The following SH3TC1 variants were observed in gnomAD, a reference collection of about 807,000 sequenced individuals.
SH3TC1 encodes the protein SH3 domain and tetratricopeptide repeat-containing protein 1.
A neutral mutation model predicts 117.3 loss-of-function variants in SH3TC1; 135 were observed. That is an observed-to-expected ratio of 1.15 (90% CI 1.00 to 1.33). The LOEUF (loss-of-function observed/expected upper bound fraction) is 1.33, where lower values mean the gene tolerates loss of function less well. Among genes scored for constraint, SH3TC1 ranks in the 40% most tolerant of loss-of-function variants. SH3TC1 has a pLI of 0.00. For synonymous variants in SH3TC1, 898 were observed against 816.9 expected, an observed-to-expected ratio of 1.10 and a Z score of -1.69; for missense variants, 2,092 against 1,794.3, an observed-to-expected ratio of 1.17 and a Z score of -3.00.
At position 8,227,306 on chromosome 4, in the gene SH3TC1, G is replaced by C; in HGVS notation, c.1612G>C (p.Glu538Gln). The change falls in exon 12 of 18, where the codon GAG becomes CAG. Residue 538 changes from glutamate (E) to glutamine (Q), a missense_variant. By Grantham distance (29) the Glu-to-Gln change is conservative (BLOSUM62 2). Transcript: ENST00000245105. Reference sequence around the variant, plus strand: ...GTTCCGCAGCTTCAGCGACGAGGAGGAGCTGACTGGGCGCCTGGCACAGGC... The same window carrying C: ...GTTCCGCAGCTTCAGCGACGAGGAGCAGCTGACTGGGCGCCTGGCACAGGC... Reference protein sequence around the residue: ...SVFRSFSDEEELTGRLAQARG... With the variant: ...SVFRSFSDEEQLTGRLAQARG... The C allele has an allele frequency of 1.2e-6, 2 of 1,610,394 alleles. No homozygotes were observed.
intron 13 of SH3TC1, chr4:8,233,132 C>T: frequency 1.5e-6 from 2 of 1,363,574 alleles, no homozygotes; most frequent in South Asian, 3.4e-5. Context: ...GCTCCCCCAG[C>T]CACAGGGCAG....
At chr4:8,219,215 A>T in intron 8 of SH3TC1, 120 bp from the exon 9 acceptor site, 1 of 1,000,400 alleles carries the variant, frequency 1.0e-6, no homozygotes, top group Middle Eastern at 2.4e-4. Context: ...TTTACTACGA[A>T]CCTCCTAGTA....
In SH3TC1 at chr4:8,190,596, A is replaced by G. The variant is rs1717386959; in HGVS notation, c.-57+8386A>G. On this transcript the variant is annotated intron_variant, in intron 1 of 16. Transcript: ENST00000508641. The surrounding 1 kb of genome is among the most constrained non-coding windows in gnomAD (Gnocchi z 4.7). Reference sequence around the variant, plus strand: ...CTCTCTCGGTCACCCACACCCCACCAGCCGGCTGGTCCACAGGGTGTTTCT... The same window carrying G: ...CTCTCTCGGTCACCCACACCCCACCGGCCGGCTGGTCCACAGGGTGTTTCT... Among the ~76,000 whole-genome samples the G allele has an allele frequency of 6.6e-6, 1 of 151,968 alleles. No individual in the cohort carries two copies. The highest frequency in any genetic ancestry group is 2.4e-5 in the African/African-American group (1 of 41,372).
chr4:8,220,726 G>C (rs1008331221), intron 9 of SH3TC1, among the ~76,000 whole-genome samples: 3 of 152,160 alleles, frequency 2.0e-5, no homozygotes, highest in South Asian at 2.1e-4. Flanking sequence ...TCAATGTTTA[G>C]GGCTGCGACA....
chr4:8,227,342 GC>G lies in SH3TC1; in HGVS notation c.1650del (p.Lys551ArgfsTer49). 6.2e-7 allele frequency: 1 copy of G among 1,602,226 alleles called. No individual in the cohort carries two copies. Among genetic ancestry groups the G allele is most frequent in the South Asian group, 1.1e-5 (1 of 89,610 alleles). On this transcript the variant is annotated frameshift_variant, in exon 12 of 18. Transcript: ENST00000245105. LOFTEE classifies it high-confidence loss of function. ...TGRLAQARGA[A>X]KKAGLLMALA... is the part of the protein sequence containing the mutation. ...GCGCCTGGCACAGGCCCGGGGGGCG[GC>G]CAAGAAAGCTGGCCTCCTCATGGCC... is the stretch of plus-strand genomic sequence containing the variant.
intron 7 of SH3TC1, 53 bp from the exon 8 acceptor site, chr4:8,218,218 A>G (rs1485244027): frequency 6.8e-7 from 1 of 1,461,030 alleles, no homozygotes. Context: ...CACAGGATGT[A>G]TCTGCCCCAA....
At chr4:8,231,551 A>G in intron 12 of SH3TC1, 1 of 172,352 alleles carries the variant, frequency 5.8e-6, no homozygotes, top group Non-Finnish European at 1.3e-5. Context: ...TGGGAATGCC[A>G]GGGGCCGGCT....
At position 8,240,933 on chromosome 4, in the gene SH3TC1, TG is replaced by T; in HGVS notation, c.3991del (p.Ala1331ProfsTer45). 1 of 1,611,490 alleles carries T rather than the reference TG, an allele frequency of 6.2e-7. No individual in the cohort carries two copies. Among genetic ancestry groups the T allele is most frequent in the East Asian group, 2.2e-5 (1 of 44,870 alleles). On this transcript the variant is annotated frameshift_variant, in exon 18 of 18. Transcript: ENST00000245105. LOFTEE classifies it high-confidence loss of function. The stretch of plus-strand genomic sequence containing the variant: ...CCACTCTGCGGGTGGGCCCCCTGGT[TG>T]GCCCCCAGCCACCCTCGCTGAGGAC... ...PLPLCGWAPW[L>X]APSHPR
At chr4:8,197,809 G>T, upstream of SH3TC1, among the ~76,000 whole-genome samples, 1 of 152,234 alleles carries the variant, frequency 6.6e-6, no homozygotes, top group Non-Finnish European at 1.5e-5. Flanking sequence ...GTGACTTGAG[G>T]GCTCACCGTG....
Position 8,183,536 on chromosome 4 carries a change from G to A in SH3TC1, c.-57+1326G>A, listed in dbSNP as rs1578629142. On this transcript the variant is annotated intron_variant, in intron 1 of 16. Transcript: ENST00000508641. The surrounding 1 kb of genome is among the most constrained non-coding windows in gnomAD (Gnocchi z 5.4). ...TGGCTGGGATCCCGCAGTGACGCTTGGGTGTCTTTGGGCCTTAAAAGTTCA... is the reference window on the plus strand; with the variant it reads ...TGGCTGGGATCCCGCAGTGACGCTTAGGTGTCTTTGGGCCTTAAAAGTTCA... Among the ~76,000 whole-genome samples the A allele has an allele frequency of 6.6e-6, 1 of 152,238 alleles. No homozygotes were observed. The highest frequency in any genetic ancestry group is 2.4e-5 in the African/African-American group (1 of 41,456).
chr4:8,227,002 C>T lies in SH3TC1; in HGVS notation c.1308C>T (p.Ser436=), dbSNP rs761537777. 2 of 1,554,584 alleles carry T rather than the reference C, an allele frequency of 1.3e-6. No individual in the cohort carries two copies. Among genetic ancestry groups the T allele is most frequent in the South Asian group, 1.2e-5 (1 of 83,380 alleles). Residue 436 remains serine, a synonymous_variant, in exon 12 of 18, where the codon AGC becomes AGT. Transcript: ENST00000245105. ...CAGAAATACCTCCACCTTGCCTGAG[C>T]CTGGAGCCACAGGAGACCTTGCAGA... ...QEKEIPPPCL[S]LEPQETLQKV...
intron 13 of SH3TC1, 33 bp downstream of exon 13, chr4:8,232,189 G>C: frequency 2.7e-6 from 1 of 374,376 alleles, no homozygotes; most frequent in Non-Finnish European, 5.1e-6. Flanking sequence ...TGGGGGCGGG[G>C]GGAGGGGGCA....
chr4:8,233,783 A>G (rs569345522), intron 14 of SH3TC1, among the ~76,000 whole-genome samples: 6 of 146,508 alleles, frequency 4.1e-5, no homozygotes, highest in Non-Finnish European at 5.9e-5. Flanking sequence ...TCCATTATCC[A>G]TCCATTCACC....
Position 8,216,226 on chromosome 4 carries a change from G to T in SH3TC1, c.597G>T (p.Arg199Ser), listed in dbSNP as rs749792356. 6.2e-7 allele frequency: 1 copy of T among 1,613,754 alleles called. No homozygotes were observed. The highest frequency in any genetic ancestry group is 1.1e-5 in the South Asian group (1 of 91,052). ...IQVHVDENAL[R>S]LTHESLLIQE... ...TCCATGTGGATGAGAACGCCTTAAG[G>T]CTGACCCACGAGAGCCTCCTCATCC... The change falls in exon 6 of 18, where the codon AGG becomes AGT. Residue 199 changes from arginine to serine, a missense_variant. Arg to Ser is a moderately radical substitution (Grantham distance 110). Transcript: ENST00000245105.
At position 8,205,366 on chromosome 4, in the gene SH3TC1, G is replaced by C. The variant is rs371596254; in HGVS notation, c.172G>C (p.Asp58His). The C allele has an allele frequency of 5.8e-6, 9 of 1,545,442 alleles. No individual in the cohort carries two copies. The highest frequency in any genetic ancestry group is 7.0e-6 in the Non-Finnish European group (8 of 1,145,282). ...GGAGGCCAAGGCGCCAGTGAGAGGCGGTGAGTTCATTCCACCCTCACCACC... is the reference window on the plus strand; with the variant it reads ...GGAGGCCAAGGCGCCAGTGAGAGGCCGTGAGTTCATTCCACCCTCACCACC... ...PEEAKAPVRGDEAPPARVAGP... is the reference protein window; with the variant it reads ...PEEAKAPVRGHEAPPARVAGP... Residue 58 changes from aspartate to histidine, a missense_variant and splice_region_variant, in exon 2 of 18, where the codon GAC becomes CAC. Asp to His is a moderately conservative substitution (Grantham distance 81, BLOSUM62 -1). Coordinates refer to ENST00000245105, the MANE Select transcript of SH3TC1 (RefSeq NM_018986.5). This position sits in a 1 kb window ranked among gnomAD's most constrained non-coding sequence, Gnocchi z 5.4.
intron 16 of SH3TC1, chr4:8,236,944 G>C: frequency 6.2e-6 from 1 of 162,344 alleles, no homozygotes; most frequent in Non-Finnish European, 1.3e-5. Context: ...CCAGGGCCTG[G>C]TACACAGGTG....
At chr4:8,216,043 C>T in intron 5 of SH3TC1, 68 bp from the exon 6 acceptor site, 2 of 1,580,328 alleles carry the variant, frequency 1.3e-6, no homozygotes, top group East Asian at 2.2e-5. Context: ...GACCTGGGAC[C>T]ACACAGGCTT....
In SH3TC1 at chr4:8,227,545, G is replaced by C; in HGVS notation, c.1851G>C (p.Arg617=). The change falls in exon 12 of 18, where the codon CGG becomes CGC. Residue 617 remains arginine, a synonymous_variant. Transcript: ENST00000245105. ...GCATTTACCGGAAGCAGAAGAACCGGGAGAAGTGTGCACAGGTGGTGCCCA... is the reference window on the plus strand; with the variant it reads ...GCATTTACCGGAAGCAGAAGAACCGCGAGAAGTGTGCACAGGTGGTGCCCA... The part of the protein sequence containing the change: ...LASIYRKQKN[R]EKCAQVVPKA... 1 of 1,530,806 alleles carries C rather than the reference G, an allele frequency of 6.5e-7. No individual in the cohort carries two copies. The highest frequency in any genetic ancestry group is 1.3e-5 in the South Asian group (1 of 76,312). 94.8% of individuals were successfully genotyped at this position (1,530,806 alleles called of 1,614,324 possible). A position where few individuals can be genotyped will look rare whatever the true frequency, so the allele number is the denominator to read the frequency against.
intron 17 of SH3TC1, among the ~76,000 whole-genome samples, chr4:8,238,572 C>T (rs1023970793): frequency 6.6e-6 from 1 of 152,118 alleles, no homozygotes; most frequent in Non-Finnish European, 1.5e-5. Flanking sequence ...GACCCCGCCC[C>T]GTATCCCCCG....
Sources: allele counts gnomAD v4.1 joint callset (sites outside exome capture counted in the v4.1 genomes callset), GRCh38; gene constraint gnomAD v4.1.1; non-coding constraint Gnocchi (gnomAD v3.1); transcripts MANE v1.5; gene names NCBI Gene and HGNC (gene_info 2026-07-23, HGNC 2026-07-21).